Variants in NRIP1 observed in about 807,000 individuals in gnomAD.
NRIP1 encodes the protein nuclear receptor-interacting protein 1.
A neutral mutation model predicts 75.0 loss-of-function variants in NRIP1; 28 were observed. That is an observed-to-expected ratio of 0.37 (90% CI 0.28 to 0.51). The LOEUF (loss-of-function observed/expected upper bound fraction) is 0.51. NRIP1 is among the 20% of genes least tolerant of loss of function. The pLI is 0.92. For synonymous variants in NRIP1, 526 were observed against 487.6 expected (o/e 1.08, Z -1.04); for missense variants, 1,435 against 1,343.7 (o/e 1.07, Z -1.06).
At chr21:15,021,627 A>G (rs1332291831) in intron 2 of NRIP1, among the ~76,000 whole-genome samples, 1 of 152,244 alleles carries the variant, frequency 6.6e-6, no homozygotes, top group Non-Finnish European at 1.5e-5. Flanking sequence ...AAAATCATAA[A>G]TTTATTTAAA....
chr21:15,028,201 T>G (rs973706539), intron 2 of NRIP1, among the ~76,000 whole-genome samples: 1 of 152,220 alleles, frequency 6.6e-6, no homozygotes, highest in South Asian at 2.1e-4. Flanking sequence ...TGCATTCTTG[T>G]TAAATGCAAA....
intron 1 of NRIP1, among the ~76,000 whole-genome samples, chr21:15,058,904 C>T (rs2089362836): frequency 6.6e-6 from 1 of 152,180 alleles, no homozygotes; most frequent in South Asian, 2.1e-4. Flanking sequence ...AGTACCCTCA[C>T]ATAGCTAGAT....
chr21:15,065,305 C>T (rs1356680013), upstream of NRIP1, among the ~76,000 whole-genome samples: 1 of 151,918 alleles, frequency 6.6e-6, no homozygotes, highest in Non-Finnish European at 1.5e-5. Context: ...GGACCGCGTC[C>T]CCGAGAGAGG....
At chr21:15,045,830 A>G (rs1028828124) in intron 1 of NRIP1, among the ~76,000 whole-genome samples, 1 of 152,236 alleles carries the variant, frequency 6.6e-6, no homozygotes, top group African/African-American at 2.4e-5. Context: ...TGTTCACAGT[A>G]TCTTCAATCA....
intron 1 of NRIP1, among the ~76,000 whole-genome samples, chr21:15,056,778 C>G (rs2089317770): frequency 6.6e-6 from 1 of 152,112 alleles, no homozygotes; most frequent in Admixed American, 6.6e-5. Context: ...ATCTTTGTGT[C>G]TCCAATATAG....
intron 3 of NRIP1, among the ~76,000 whole-genome samples, chr21:14,973,630 A>G (rs748916438): frequency 1.3e-5 from 2 of 152,050 alleles, no homozygotes; most frequent in Non-Finnish European, 2.9e-5. Context: ...AAGAAGTACT[A>G]AATTTTGATT....
intron 3 of NRIP1, among the ~76,000 whole-genome samples, chr21:14,980,206 G>A (rs1671310938): frequency 1.3e-5 from 2 of 152,110 alleles, no homozygotes; most frequent in Admixed American, 6.6e-5. Context: ...ATATATTAGT[G>A]CAGGCTAGAT....
intron 2 of NRIP1, among the ~76,000 whole-genome samples, chr21:15,027,450 T>C (rs1212014959): frequency 6.6e-6 from 1 of 152,208 alleles, no homozygotes; most frequent in Non-Finnish European, 1.5e-5. Context: ...TGAACAAATG[T>C]TAACTGTTAG....
chr21:14,965,754 G>A lies in NRIP1; in HGVS notation c.2439C>T (p.Phe813=), dbSNP rs1600801183. Residue 813 remains phenylalanine (F), a synonymous_variant, in exon 4 of 4, where the codon TTC becomes TTT. Transcript: ENST00000318948. ...ATCGACTTAGCAGACCATTCTTGGA[G>A]AAAGAAAAATCCTGAGGTGAAACAG... ...SEPVSPQDFS[F]SKNGLLSRLL... is the part of the protein sequence containing the mutation. The A allele has an allele frequency of 6.2e-7, 1 of 1,613,924 alleles. No homozygotes were observed.
Position 14,967,517 on chromosome 21 carries a change from C to T in NRIP1, c.676G>A (p.Gly226Arg). 6.2e-7 allele frequency: 1 copy of T among 1,614,106 alleles called. No homozygotes were observed. ...AESPHHVGQSGTKVMSEPLSC... is the reference protein window; with the variant it reads ...AESPHHVGQSRTKVMSEPLSC... ...AACGGTTCACTCATGACCTTTGTTC[C>T]ACTTTGTCCAACATGATGAGGAGAC... Residue 226 changes from glycine to arginine, a missense_variant, in exon 4 of 4, where the codon GGA becomes AGA. Transcript: ENST00000318948.
intron 2 of NRIP1, among the ~76,000 whole-genome samples, chr21:15,015,582 C>T (rs2823008): frequency 0.69 from 104,938 of 151,762 alleles, 37,711 homozygotes; most frequent in East Asian, 0.93. Context: ...AGCCATAAAA[C>T]GTCAAAATGA....
At position 14,963,704 on chromosome 21, in the gene NRIP1, T is replaced by G. The variant is rs751813824; in HGVS notation, c.*1012A>C. ...CCACTTAGCAGAGATTCTTGTTCTG[T>G]AGATCTGAGATGCTGCCTATGAATC... On this transcript the variant is annotated 3_prime_UTR_variant, in exon 4 of 4. Coordinates refer to ENST00000318948, the MANE Select transcript of NRIP1 (RefSeq NM_003489.4). The G allele has an allele frequency of 2.0e-5, 3 of 152,128 alleles. No homozygotes were observed. The highest frequency in any genetic ancestry group is 2.9e-5 in the Non-Finnish European group (2 of 68,010). 9.4% of individuals were successfully genotyped at this position (152,128 alleles called of 1,614,324 possible). A position where few individuals can be genotyped will look rare whatever the true frequency, so the allele number is the denominator to read the frequency against.
At chr21:15,000,948 T>C (rs1244281837) in intron 3 of NRIP1, among the ~76,000 whole-genome samples, 1 of 152,202 alleles carries the variant, frequency 6.6e-6, no homozygotes, top group African/African-American at 2.4e-5. Flanking sequence ...GTGATATATT[T>C]ATTATTAACA....
At chr21:15,013,705 CTCA>C (rs1191059181) in intron 3 of NRIP1, among the ~76,000 whole-genome samples, 1 of 152,156 alleles carries the variant, frequency 6.6e-6, no homozygotes, top group Non-Finnish European at 1.5e-5. Context: ...TAACCACTTG[CTCA>C]TCGTCTTTTT....
chr21:15,033,018 G>C (rs1455869830), intron 2 of NRIP1, among the ~76,000 whole-genome samples: 1 of 152,206 alleles, frequency 6.6e-6, no homozygotes, highest in East Asian at 1.9e-4. Context: ...GAGGTCAGGA[G>C]ATCGAGACCA....
Position 15,039,246 on chromosome 21 carries a change from G to T in NRIP1, c.-458+4249C>A, listed in dbSNP as rs2147303650. 1.3e-5 allele frequency among the ~76,000 whole-genome samples: 2 copies of T among 152,222 alleles called. 1 individual carries two copies. The highest frequency in any genetic ancestry group is 4.1e-4 in the South Asian group (2 of 4,826). On this transcript the variant is annotated intron_variant, in intron 2 of 3. Transcript: ENST00000318948. ...GAGTACCAATTTCATTTAAGAGTGTGGAGGTAGTATTATCAAAAATGTGTT... is the reference window on the plus strand; with the variant it reads ...GAGTACCAATTTCATTTAAGAGTGTTGAGGTAGTATTATCAAAAATGTGTT...
chr21:15,020,765 A>G (rs2088354161), intron 2 of NRIP1, among the ~76,000 whole-genome samples: 1 of 152,198 alleles, frequency 6.6e-6, no homozygotes, highest in Non-Finnish European at 1.5e-5. Context: ...CAAAGAAGAC[A>G]TGTGAATGTT....
chr21:15,051,575 C>T (rs1234373174), intron 1 of NRIP1: 2 of 152,394 alleles, frequency 1.3e-5, no homozygotes, highest in Non-Finnish European at 2.9e-5. Flanking sequence ...CCTGTTCCCC[C>T]ACCTATCTTG....
At chr21:15,052,609 A>C (rs971876820) in intron 1 of NRIP1, among the ~76,000 whole-genome samples, 2 of 152,210 alleles carry the variant, frequency 1.3e-5, no homozygotes, top group African/African-American at 4.8e-5. Context: ...TACAGAAGGT[A>C]ATTACAACTT....
Sources: gnomAD v4.1 joint callset for allele counts (sites outside exome capture counted in the v4.1 genomes callset) on GRCh38, gnomAD v4.1.1 for gene constraint, MANE v1.5 for transcripts, NCBI Gene and HGNC (gene_info 2026-07-23, HGNC 2026-07-21) for gene names.